Variants in FAT3 observed in about 807,000 individuals in gnomAD.
FAT3 encodes FAT atypical cadherin 3.
FAT3 carries 95 observed loss-of-function variants against 310.2 expected under a neutral mutation model. The ratio of observed to expected loss-of-function variants is 0.31; its 90% confidence interval spans 0.26 to 0.36. The LOEUF (loss-of-function observed/expected upper bound fraction) is 0.36. Ranked by LOEUF, FAT3 falls within the 10% of genes least tolerant of loss-of-function variation. The probability of loss-of-function intolerance (pLI) is 1.00; values close to 1 mark genes in which losing one functional copy is unlikely to be tolerated. For synonymous variants in FAT3, 2,314 were observed against 2,192.9 expected (o/e 1.06, Z -1.54); for missense variants, 5,408 against 5,715.6 (o/e 0.95, Z 1.74).
chr11:92,836,811 T>TG, intron 16 of FAT3, 108 bp downstream of exon 16: 1 of 1,302,452 alleles, frequency 7.7e-7, no homozygotes, highest in Non-Finnish European at 1.0e-6. Flanking sequence ...TTCTAAGTAA[T>TG]GAGAGTAAAT....
At chr11:92,864,071 C>T (rs1041891224) in intron 21 of FAT3, among the ~76,000 whole-genome samples, 15 of 152,116 alleles carry the variant, frequency 9.9e-5, no homozygotes, top group African/African-American at 3.6e-4. Context: ...CAAGCTTAAC[C>T]GTGCCGTGTT....
At chr11:92,550,228 AG>A (rs1289578226) in intron 3 of FAT3, among the ~76,000 whole-genome samples, 1 of 152,148 alleles carries the variant, frequency 6.6e-6, no homozygotes, top group Non-Finnish European at 1.5e-5. Flanking sequence ...AATTTCCAAA[AG>A]GGGTCTTTTT....
At chr11:92,658,567 C>T (rs1942661940) in intron 3 of FAT3, among the ~76,000 whole-genome samples, 2 of 152,238 alleles carry the variant, frequency 1.3e-5, no homozygotes, top group South Asian at 4.1e-4. Context: ...GCTCTGAGTT[C>T]ATCCAGTTTT....
chr11:92,762,014 C>T lies in FAT3; in HGVS notation c.3828C>T (p.Tyr1276=), dbSNP rs552539564. Residue 1276 remains tyrosine, a synonymous_variant, in exon 5 of 28, where the codon TAC becomes TAT. Transcript: ENST00000525166. The part of the protein sequence containing the change: ...RDRKKRGEPI[Y]RAFAFDRDEG... ...GAAAGAAGAGAGGAGAACCGATTTA[C>T]AGGGCTTTTGCATTTGATAGAGATG... 15 of 1,613,976 alleles carry T rather than the reference C, an allele frequency of 9.3e-6. No individual in the cohort carries two copies. Among genetic ancestry groups the T allele is most frequent in the Middle Eastern group, 1.6e-4 (1 of 6,062 alleles).
chr11:92,327,223 A>G (rs1422529567), intron 1 of FAT3, among the ~76,000 whole-genome samples: 1 of 152,154 alleles, frequency 6.6e-6, no homozygotes, highest in Non-Finnish European at 1.5e-5. Flanking sequence ...ACTGAATAGA[A>G]GATTCCCTTT....
chr11:92,374,947 T>C (rs1291344609), intron 2 of FAT3, among the ~76,000 whole-genome samples: 1 of 152,166 alleles, frequency 6.6e-6, no homozygotes, highest in Non-Finnish European at 1.5e-5. Context: ...GACATGGAGC[T>C]ATCTCCCTGG....
At chr11:92,597,075 A>G (rs1352333218) in intron 3 of FAT3, among the ~76,000 whole-genome samples, 1 of 152,190 alleles carries the variant, frequency 6.6e-6, no homozygotes, top group East Asian at 1.9e-4. Flanking sequence ...GTATTAATGA[A>G]TTAGCCCAAT....
At chr11:92,238,422 G>A (rs927494028) in intron 1 of FAT3, among the ~76,000 whole-genome samples, 11 of 152,108 alleles carry the variant, frequency 7.2e-5, no homozygotes, top group South Asian at 2.1e-4. Flanking sequence ...ATAGGGAATC[G>A]GAGGGGGCAA....
At position 92,831,733 on chromosome 11, in the gene FAT3, AG is replaced by A; in HGVS notation, c.9594del (p.Gln3198HisfsTer46). 6.2e-7 allele frequency: 1 copy of A among 1,613,658 alleles called. No homozygotes were observed. The highest frequency in any genetic ancestry group is 1.6e-4 in the Middle Eastern group (1 of 6,062). ...ILEQPLDREQ[Q>X]SSYNISVRAT... ...GAGCAGCCACTGGACCGTGAGCAGCAGTCTTCGTACAACATCAGCGTGCGGG... is the reference window on the plus strand; with the variant it reads ...GAGCAGCCACTGGACCGTGAGCAGCATCTTCGTACAACATCAGCGTGCGGG... On this transcript the variant is annotated frameshift_variant, in exon 14 of 28. Coordinates refer to ENST00000525166, the MANE Select transcript of FAT3 (RefSeq NM_001367949.2). LOFTEE classifies it high-confidence loss of function.
At chr11:92,349,213 C>T (rs1219104784) in intron 1 of FAT3, among the ~76,000 whole-genome samples, 1 of 152,130 alleles carries the variant, frequency 6.6e-6, no homozygotes, top group African/African-American at 2.4e-5. Context: ...TTCTCTGGAG[C>T]ATTCTGGGAG....
At chr11:92,745,347 T>G (rs539479120) in intron 4 of FAT3, among the ~76,000 whole-genome samples, 1 of 152,272 alleles carries the variant, frequency 6.6e-6, no homozygotes, top group African/African-American at 2.4e-5. Flanking sequence ...TGGCAGAAGT[T>G]TCTTAACGGC....
At chr11:92,594,758 T>C (rs1939616608) in intron 3 of FAT3, among the ~76,000 whole-genome samples, 1 of 152,100 alleles carries the variant, frequency 6.6e-6, no homozygotes, top group South Asian at 2.1e-4. Context: ...TGTTTTGCAG[T>C]AGTACCGTTG....
intron 18 of FAT3, 57 bp downstream of exon 18, chr11:92,840,816 G>C (rs1285976096): frequency 7.0e-7 from 1 of 1,431,616 alleles, no homozygotes; most frequent in Non-Finnish European, 9.3e-7. Flanking sequence ...GCTTGTTTCT[G>C]TCCCCTTTGG....
chr11:92,237,506 TGTGGACCCCAGTATCCTA>T (rs1864481661), intron 1 of FAT3, among the ~76,000 whole-genome samples: 1 of 152,186 alleles, frequency 6.6e-6, no homozygotes, highest in Non-Finnish European at 1.5e-5. Flanking sequence ...GAGAACTAAA[TGTGGACCCCAGTATCCTA>T]GTGAACACTG....
intron 3 of FAT3, among the ~76,000 whole-genome samples, chr11:92,592,353 GCT>G (rs1302440861): frequency 8.8e-6 from 1 of 114,268 alleles, no homozygotes; most frequent in East Asian, 2.7e-4. Flanking sequence ...ATAGAGTCTC[GCT>G]CTGTCACCCA....
At chr11:92,306,735 T>TTATATATAAA (rs1555006540) in intron 1 of FAT3, among the ~76,000 whole-genome samples, 139 of 123,100 alleles carry the variant, frequency 1.1e-3, no homozygotes, top group Non-Finnish European at 1.7e-3. Flanking sequence ...ATATATATAT[T>TTATATATAAA]TATATATAAA....
chr11:92,725,436 A>G (rs1944970366), intron 4 of FAT3, among the ~76,000 whole-genome samples: 1 of 152,206 alleles, frequency 6.6e-6, no homozygotes, highest in Non-Finnish European at 1.5e-5. Context: ...CTACCTCATC[A>G]AAGTGTAGTG....
rs892942174 is a variant in FAT3 at position 92,801,860 on chromosome 11, G to C, written c.8847G>C (p.Trp2949Cys). The C allele has an allele frequency of 6.2e-7, 1 of 1,613,862 alleles. No homozygotes were observed. The highest frequency in any genetic ancestry group is 1.7e-5 in the Admixed American group (1 of 60,020). The change falls in exon 10 of 28, where the codon TGG becomes TGC. Residue 2949 changes from tryptophan to cysteine, a missense_variant. Physicochemically the swap from Trp to Cys is radical, Grantham distance 215. Around this residue, in one of 5 missense-constraint regions of FAT3, gnomAD observed 4,588 missense variants for 4,809.8 expected, o/e 0.95. Coordinates refer to ENST00000525166, the MANE Select transcript of FAT3 (RefSeq NM_001367949.2). ...PGEVVAVLST[W>C]DRDTSDVNRQ... The stretch of plus-strand genomic sequence containing the variant: ...AGGTGGTAGCCGTCCTCAGCACCTG[G>C]GACAGAGACACATCCGACGTTAATC...
At chr11:92,257,840 C>T (rs929857483) in intron 1 of FAT3, among the ~76,000 whole-genome samples, 1 of 152,082 alleles carries the variant, frequency 6.6e-6, no homozygotes, top group African/African-American at 2.4e-5. Flanking sequence ...TTTTACTTTT[C>T]CATGGACTGT....
Sources: allele counts gnomAD v4.1 joint callset (sites outside exome capture counted in the v4.1 genomes callset), GRCh38; gene constraint gnomAD v4.1.1; regional missense constraint gnomAD v4.1.1; transcripts MANE v1.5; gene names NCBI Gene and HGNC (gene_info 2026-07-23, HGNC 2026-07-21).